PEBP4: variants seen among roughly 807,000 people sequenced by gnomAD.
The protein encoded by PEBP4 is phosphatidylethanolamine-binding protein 4.
In PEBP4, 22 loss-of-function variants were observed where a neutral mutation model predicts 23.9. The observed-to-expected ratio is 0.92, with a 90% CI of 0.66 to 1.31. The LOEUF is 1.31. PEBP4 is among the 40% of genes most tolerant of loss of function. The pLI, the probability that PEBP4 is intolerant of heterozygous loss-of-function variation, is 0.00. For missense variants in PEBP4, 324 were observed against 281.7 expected, an observed-to-expected ratio of 1.15 and a Z score of -1.07; for synonymous variants, 112 against 99.3, an observed-to-expected ratio of 1.13 and a Z score of -0.76.
At chr8:22,793,396 A>G (rs914542619) in intron 4 of PEBP4, among the ~76,000 whole-genome samples, 3 of 148,562 alleles carry the variant, frequency 2.0e-5, no homozygotes, top group Non-Finnish European at 4.4e-5. Context: ...CCTCCCATGT[A>G]GCTGGGATTA....
intron 4 of PEBP4, among the ~76,000 whole-genome samples, chr8:22,741,095 T>A (rs1464657961): frequency 6.6e-6 from 1 of 152,038 alleles, no homozygotes; most frequent in Admixed American, 6.5e-5. Flanking sequence ...ATAGACCAGA[T>A]GAGGGTGCGG....
At chr8:22,851,697 T>C (rs1232812642) in intron 3 of PEBP4, among the ~76,000 whole-genome samples, 5 of 151,984 alleles carry the variant, frequency 3.3e-5, no homozygotes, top group Non-Finnish European at 7.4e-5. Flanking sequence ...CCATTACCCA[T>C]AGTTGCTGGG....
intron 4 of PEBP4, among the ~76,000 whole-genome samples, chr8:22,796,967 A>C (rs79467171): frequency 6.6e-6 from 1 of 150,902 alleles, no homozygotes; most frequent in Non-Finnish European, 1.5e-5. Context: ...AAAAAAAAAA[A>C]CAAATTGGCT....
intron 3 of PEBP4, among the ~76,000 whole-genome samples, chr8:22,892,131 C>T (rs1432464414): frequency 6.6e-6 from 1 of 151,708 alleles, no homozygotes; most frequent in Non-Finnish European, 1.5e-5. Flanking sequence ...AGTCACACTT[C>T]ATTGAGTCAA....
At chr8:22,917,184 T>C (rs1020710941) in intron 3 of PEBP4, among the ~76,000 whole-genome samples, 1 of 152,016 alleles carries the variant, frequency 6.6e-6, no homozygotes, top group Non-Finnish European at 1.5e-5. Context: ...TGGCATTGCT[T>C]CAGTCACCTT....
chr8:22,724,423 A>G (rs1021884042), intron 6 of PEBP4, among the ~76,000 whole-genome samples: 1 of 152,324 alleles, frequency 6.6e-6, no homozygotes, highest in African/African-American at 2.4e-5. Flanking sequence ...TTAGCAACCC[A>G]TGAGGATAGA....
intron 6 of PEBP4, 115 bp downstream of exon 6, chr8:22,724,728 G>C: frequency 2.7e-6 from 2 of 745,276 alleles, no homozygotes; most frequent in Non-Finnish European, 4.6e-6. Context: ...TTCGACCCCA[G>C]TCTCCAAGGC....
At chr8:22,853,082 C>G (rs1343492805) in intron 3 of PEBP4, among the ~76,000 whole-genome samples, 2 of 152,234 alleles carry the variant, frequency 1.3e-5, no homozygotes, top group East Asian at 1.9e-4. Context: ...CTAAAACAAG[C>G]ATTTTCCGAA....
intron 4 of PEBP4, among the ~76,000 whole-genome samples, chr8:22,735,146 T>C (rs1407326882): frequency 1.3e-5 from 2 of 152,214 alleles, no homozygotes; most frequent in Non-Finnish European, 2.9e-5. Context: ...AGAAATTTAA[T>C]TAAGACACAG....
chr8:22,861,641 G>A (rs1401396018), intron 3 of PEBP4, among the ~76,000 whole-genome samples: 1 of 152,152 alleles, frequency 6.6e-6, no homozygotes, highest in African/African-American at 2.4e-5. Context: ...GCCTGACCAG[G>A]GCTCTCTGAT....
chr8:22,865,329 C>T lies in PEBP4; in HGVS notation c.259-47594G>A, dbSNP rs1010221457. On this transcript the variant is annotated intron_variant, in intron 3 of 6. Coordinates refer to ENST00000256404, the MANE Select transcript of PEBP4 (RefSeq NM_144962.3). This position sits in a 1 kb window ranked among gnomAD's most constrained non-coding sequence, Gnocchi z 6.9. ...CGGATGGGAATTACCCCGGGTCCCC[C>T]TGCGGCGTCTCCCGCTGCCCACCCA... Among the ~76,000 whole-genome samples, 39 of 151,050 alleles carry T rather than the reference C, an allele frequency of 2.6e-4. No homozygotes were observed. Among genetic ancestry groups the T allele is most frequent in the Admixed American group, 5.9e-4 (9 of 15,230 alleles).
intron 4 of PEBP4, among the ~76,000 whole-genome samples, chr8:22,756,534 C>T (rs144512947): frequency 6.6e-6 from 1 of 152,248 alleles, no homozygotes; most frequent in Non-Finnish European, 1.5e-5. Flanking sequence ...CCACCACTGT[C>T]CCATGCTCCT....
chr8:22,837,161 C>T (rs1228301199), intron 3 of PEBP4, among the ~76,000 whole-genome samples: 1 of 152,210 alleles, frequency 6.6e-6, no homozygotes, highest in African/African-American at 2.4e-5. Flanking sequence ...TTTCCCCATC[C>T]TTTCTGACAC....
chr8:22,741,948 G>T (rs898040215), intron 4 of PEBP4, among the ~76,000 whole-genome samples: 1 of 152,200 alleles, frequency 6.6e-6, no homozygotes, highest in African/African-American at 2.4e-5. Flanking sequence ...ACAGCAGAGG[G>T]AGGGACCCAA....
intron 3 of PEBP4, among the ~76,000 whole-genome samples, chr8:22,847,467 AC>A (rs759475571): frequency 6.6e-6 from 1 of 152,118 alleles, no homozygotes; most frequent in African/African-American, 2.4e-5. Context: ...TGGCAGGAAG[AC>A]CCCCAAGGGA....
intron 4 of PEBP4, among the ~76,000 whole-genome samples, chr8:22,763,028 C>T (rs577865067): frequency 7.3e-5 from 11 of 150,110 alleles, no homozygotes; most frequent in South Asian, 4.2e-4. Context: ...TTTTTGAGAT[C>T]GGGTCTTGCT....
intron 3 of PEBP4, among the ~76,000 whole-genome samples, chr8:22,858,219 C>CCAGAGG (rs1807696491): frequency 6.6e-6 from 1 of 151,796 alleles, no homozygotes; most frequent in African/African-American, 2.4e-5. Context: ...CGTTCAGCTT[C>CCAGAGG]CTGCATTTCT....
At chr8:22,804,638 C>T (rs146068946) in intron 4 of PEBP4, among the ~76,000 whole-genome samples, 18 of 152,200 alleles carry the variant, frequency 1.2e-4, no homozygotes, top group African/African-American at 2.9e-4. Context: ...TGAACAGCAA[C>T]GCCCCATTTC....
chr8:22,746,938 A>G (rs1048000220), intron 4 of PEBP4, among the ~76,000 whole-genome samples: 1 of 152,084 alleles, frequency 6.6e-6, no homozygotes, highest in African/African-American at 2.4e-5. Context: ...TGATCTTCCC[A>G]TGTCAGCCTC....
Sources: allele counts gnomAD v4.1 joint callset (sites outside exome capture counted in the v4.1 genomes callset), GRCh38; gene constraint gnomAD v4.1.1; non-coding constraint Gnocchi (gnomAD v3.1); transcripts MANE v1.5; gene names NCBI Gene and HGNC (gene_info 2026-07-23, HGNC 2026-07-21).